KIF13B: variants seen among roughly 807,000 people sequenced by gnomAD.
The protein encoded by KIF13B is kinesin family member 13B, also known as kinesin-like protein KIF13B.
KIF13B carries 127 observed loss-of-function variants against 222.0 expected under a neutral mutation model. That is an observed-to-expected ratio of 0.57 (90% CI 0.50 to 0.66). The LOEUF is 0.66. KIF13B is among the 30% of genes least tolerant of loss of function. The probability of loss-of-function intolerance (pLI) is 0.00; values close to 1 mark genes in which losing one functional copy is unlikely to be tolerated. For missense variants in KIF13B, 2,173 were observed against 2,379.0 expected, an observed-to-expected ratio of 0.91 and a Z score of 1.80; for synonymous variants, 976 against 919.0, an observed-to-expected ratio of 1.06 and a Z score of -1.12.
At chr8:29,135,231 G>A (rs1390697216) in intron 21 of KIF13B, among the ~76,000 whole-genome samples, 7 of 152,052 alleles carry the variant, frequency 4.6e-5, no homozygotes. Context: ...TTTTAGTAGA[G>A]ATGAGGTCTC....
intron 38 of KIF13B, among the ~76,000 whole-genome samples, chr8:29,073,632 G>A (rs912550374): frequency 6.6e-6 from 1 of 152,204 alleles, no homozygotes; most frequent in Admixed American, 6.5e-5. Context: ...TTATATTACA[G>A]GAATGGTCAT....
chr8:29,087,664 A>T (rs1399281660), intron 37 of KIF13B, among the ~76,000 whole-genome samples: 1 of 152,216 alleles, frequency 6.6e-6, no homozygotes, highest in East Asian at 1.9e-4. Flanking sequence ...TTTAGACGAG[A>T]AAGGAAACAC....
At chr8:29,238,716 A>G (rs1282118861) in intron 2 of KIF13B, among the ~76,000 whole-genome samples, 1 of 152,184 alleles carries the variant, frequency 6.6e-6, no homozygotes, top group Non-Finnish European at 1.5e-5. Flanking sequence ...TCCATGTTAG[A>G]GCATCTTCCC....
intron 2 of KIF13B, among the ~76,000 whole-genome samples, chr8:29,240,021 A>AG (rs1156568187): frequency 1.3e-5 from 2 of 151,434 alleles, no homozygotes; most frequent in Non-Finnish European, 3.0e-5. Flanking sequence ...AGAAAAAAAA[A>AG]AGAAACACAA....
rs6986672 is a variant in KIF13B at position 29,147,576 on chromosome 8, A to G, written c.1840T>C (p.Leu614=). 0.84 allele frequency: 1,354,600 copies of G among 1,612,108 alleles called. 574,625 individuals carry two copies. The highest frequency in any genetic ancestry group is 0.86 in the Non-Finnish European group (1,019,102 of 1,179,096). The change falls in exon 17 of 40, where the codon TTA becomes CTA. Residue 614 remains leucine, a synonymous_variant. Coordinates refer to ENST00000524189, the MANE Select transcript of KIF13B (RefSeq NM_015254.4). ...NDPMQSILNS[L]EQQHEEEKRS... ...TTTTCTTCTTCATGCTGTTGTTCTAAGCTGTTTAATATGGACTGCATCGGA... is the reference window on the plus strand; with the variant it reads ...TTTTCTTCTTCATGCTGTTGTTCTAGGCTGTTTAATATGGACTGCATCGGA...
At chr8:29,191,081 G>T (rs778903621) in intron 3 of KIF13B, 24 bp from the exon 4 acceptor site, 159 of 1,576,798 alleles carry the variant, frequency 1.0e-4, no homozygotes, top group Non-Finnish European at 1.3e-4. Flanking sequence ...ACATAAGTGT[G>T]TGTTAAGAAA....
At chr8:29,198,203 GAAT>G (rs1321766543) in intron 2 of KIF13B, among the ~76,000 whole-genome samples, 2 of 152,142 alleles carry the variant, frequency 1.3e-5, no homozygotes, top group Non-Finnish European at 2.9e-5. Context: ...AATTTCTCTG[GAAT>G]AAGAGATGTA....
At chr8:29,190,208 T>G (rs1189338924) in intron 4 of KIF13B, 3 of 152,212 alleles carry the variant, frequency 2.0e-5, no homozygotes, top group Admixed American at 2.0e-4. Flanking sequence ...TTGCCTCATA[T>G]CCTAAAGGAA....
chr8:29,071,160 G>T lies in KIF13B; in HGVS notation c.5219-394C>A, dbSNP rs1356695665. Among the ~76,000 whole-genome samples the T allele has an allele frequency of 6.6e-6, 1 of 152,192 alleles. No homozygotes were observed. Among genetic ancestry groups the T allele is most frequent in the East Asian group, 1.9e-4 (1 of 5,190 alleles). Reference sequence around the variant, plus strand: ...TGGACCCAGGCCTGGGCTGGGTGGCGGGAGAATGGTTCTTTTGCTGAATCT... The same window carrying T: ...TGGACCCAGGCCTGGGCTGGGTGGCTGGAGAATGGTTCTTTTGCTGAATCT... On this transcript the variant is annotated intron_variant, in intron 39 of 39. Transcript: ENST00000524189. This position sits in a 1 kb window ranked among gnomAD's most constrained non-coding sequence, Gnocchi z 4.9.
At chr8:29,076,628 T>A (rs933363030) in intron 37 of KIF13B, among the ~76,000 whole-genome samples, 9 of 152,226 alleles carry the variant, frequency 5.9e-5, no homozygotes, top group African/African-American at 2.2e-4. Flanking sequence ...TCACCATGTT[T>A]ACAAGCATGG....
intron 3 of KIF13B, among the ~76,000 whole-genome samples, chr8:29,192,235 A>G (rs1381009793): frequency 2.0e-5 from 3 of 152,118 alleles, no homozygotes; most frequent in Non-Finnish European, 4.4e-5. Context: ...GCTCGCCCAA[A>G]TCAGTTTTCA....
Position 29,132,415 on chromosome 8 carries a change from T to C in KIF13B, c.2835A>G (p.Gly945=). 1 of 1,584,558 alleles carries C rather than the reference T, an allele frequency of 6.3e-7. No homozygotes were observed. Among genetic ancestry groups the C allele is most frequent in the Non-Finnish European group, 8.6e-7 (1 of 1,164,006 alleles). The change falls in exon 23 of 40, where the codon GGA becomes GGG. Residue 945 remains glycine, a synonymous_variant. Coordinates refer to ENST00000524189, the MANE Select transcript of KIF13B (RefSeq NM_015254.4). The part of the protein sequence containing the change: ...TEDFIEHLSE[G]ALAIEVYGHK... ...GTCCATATACTTCAATTGCCAATGC[T>C]CCTTCGGAAAGATGCTCGATAAAGT...
At chr8:29,158,461 G>T in intron 13 of KIF13B, among the ~76,000 whole-genome samples, 1 of 152,164 alleles carries the variant, frequency 6.6e-6, no homozygotes, top group Admixed American at 6.6e-5. Context: ...AATAAAGGGG[G>T]TGTTATATTC....
At chr8:29,076,319 G>A (rs566776133) in intron 37 of KIF13B, among the ~76,000 whole-genome samples, 8 of 152,324 alleles carry the variant, frequency 5.3e-5, no homozygotes, top group East Asian at 3.9e-4. Flanking sequence ...GGACAGCCGC[G>A]GGTAGGGCTT....
chr8:29,105,526 A>T (rs1300323684), intron 35 of KIF13B, among the ~76,000 whole-genome samples: 2 of 151,704 alleles, frequency 1.3e-5, no homozygotes, highest in Admixed American at 6.6e-5. Flanking sequence ...TTCTAATAGC[A>T]TCTCTGCTCC....
At chr8:29,100,766 T>C (rs570834241) in intron 35 of KIF13B, among the ~76,000 whole-genome samples, 4 of 152,328 alleles carry the variant, frequency 2.6e-5, no homozygotes, top group African/African-American at 9.6e-5. Flanking sequence ...CTTTACTAAT[T>C]GCCTGATCAG....
intron 2 of KIF13B, among the ~76,000 whole-genome samples, chr8:29,239,503 T>C (rs1175665166): frequency 6.6e-6 from 1 of 152,110 alleles, no homozygotes; most frequent in Admixed American, 6.5e-5. Context: ...GACACAAAGA[T>C]GGGAACAAGA....
At chr8:29,155,311 C>G (rs1337785121) in intron 14 of KIF13B, among the ~76,000 whole-genome samples, 2 of 152,056 alleles carry the variant, frequency 1.3e-5, no homozygotes, top group African/African-American at 4.8e-5. Flanking sequence ...ACAGTGACTC[C>G]CCACAGGAGA....
chr8:29,194,788 T>TACA lies in KIF13B; in HGVS notation c.162+1396_162+1398dup, dbSNP rs762231438. 1.1e-4 allele frequency among the ~76,000 whole-genome samples: 16 copies of TACA among 152,304 alleles called. No homozygotes were observed. In the East Asian group the frequency reaches 1.9e-3, roughly 18 times the overall value. ...AATCAAGGTCTCCCTGTTCAACAAG[T>TACA]ACACCTCTCCCCAGAGCTGAGGTGT... On this transcript the variant is annotated intron_variant, in intron 3 of 39. Coordinates refer to ENST00000524189, the MANE Select transcript of KIF13B (RefSeq NM_015254.4).
Sources: allele counts gnomAD v4.1 joint callset (sites outside exome capture counted in the v4.1 genomes callset), GRCh38; gene constraint gnomAD v4.1.1; non-coding constraint Gnocchi (gnomAD v3.1); transcripts MANE v1.5; gene names NCBI Gene and HGNC (gene_info 2026-07-23, HGNC 2026-07-21).